CA10: variants seen among roughly 807,000 people sequenced by gnomAD.
CA10 encodes carbonic anhydrase 10 (inactive).
Under a neutral mutation model 44.2 loss-of-function variants are expected in CA10, and 14 were observed. The observed-to-expected ratio is 0.32, with a 90% CI of 0.21 to 0.50. The LOEUF (loss-of-function observed/expected upper bound fraction) is 0.50, where lower values mean the gene tolerates loss of function less well. Ranked by LOEUF, CA10 falls within the 20% of genes least tolerant of loss-of-function variation. The probability of loss-of-function intolerance (pLI) is 0.99; values close to 1 mark genes in which losing one functional copy is unlikely to be tolerated. For missense variants in CA10, 350 were observed against 409.7 expected, an observed-to-expected ratio of 0.85 and a Z score of 1.26; for synonymous variants, 159 against 141.6, an observed-to-expected ratio of 1.12 and a Z score of -0.87.
chr17:52,011,622 C>T (rs995921865), intron 2 of CA10, among the ~76,000 whole-genome samples: 2 of 151,864 alleles, frequency 1.3e-5, no homozygotes, highest in East Asian at 1.9e-4. Flanking sequence ...TATACCAATG[C>T]TCTGTAACAT....
intron 2 of CA10, among the ~76,000 whole-genome samples, chr17:52,004,501 G>A (rs1437564788): frequency 6.6e-6 from 1 of 151,898 alleles, no homozygotes; most frequent in African/African-American, 2.4e-5. Flanking sequence ...CTGTGGAAAA[G>A]ACACATGTAT....
intron 1 of CA10, among the ~76,000 whole-genome samples, chr17:52,074,031 T>C (rs1196353895): frequency 1.3e-5 from 2 of 152,152 alleles, no homozygotes; most frequent in South Asian, 2.1e-4. Context: ...AGGGTTCTGA[T>C]TCTTCCTCTG....
At chr17:51,633,345 G>C (rs756491452) in intron 8 of CA10, 131 bp downstream of exon 8, 1 of 873,156 alleles carries the variant, frequency 1.1e-6, no homozygotes, top group South Asian at 2.1e-5. Context: ...TGCAAATGGA[G>C]TGTGATGGCT....
intron 2 of CA10, among the ~76,000 whole-genome samples, chr17:51,994,821 T>G (rs203041): frequency 0.54 from 75,586 of 139,568 alleles, 19,432 homozygotes; most frequent in African/African-American, 0.6. Flanking sequence ...TTTAAATATT[T>G]TATGATATTA....
chr17:51,997,371 G>C (rs1000122332), intron 2 of CA10, among the ~76,000 whole-genome samples: 4 of 152,032 alleles, frequency 2.6e-5, no homozygotes, highest in African/African-American at 9.7e-5. Context: ...AGTATGTGTA[G>C]AATAAATATA....
chr17:51,920,588 T>C (rs1215195014), intron 3 of CA10, among the ~76,000 whole-genome samples: 1 of 152,174 alleles, frequency 6.6e-6, no homozygotes, highest in Non-Finnish European at 1.5e-5. Context: ...AGGTGTTTCC[T>C]TGGGAGATTT....
At chr17:52,157,264 C>T (rs945782940) in intron 1 of CA10, among the ~76,000 whole-genome samples, 1 of 152,132 alleles carries the variant, frequency 6.6e-6, no homozygotes, top group African/African-American at 2.4e-5. Flanking sequence ...CCTGCTGGTA[C>T]TCTCCAGTCC....
intron 1 of CA10, among the ~76,000 whole-genome samples, chr17:52,106,814 A>C (rs141242610): frequency 7.9e-5 from 12 of 152,340 alleles, no homozygotes; most frequent in African/African-American, 2.4e-4. Flanking sequence ...CCCACGGCTC[A>C]GATTGTATTA....
At chr17:51,974,891 A>C (rs1198324552) in intron 2 of CA10, among the ~76,000 whole-genome samples, 1 of 152,208 alleles carries the variant, frequency 6.6e-6, no homozygotes, top group African/African-American at 2.4e-5. Flanking sequence ...AAGACATTTC[A>C]GTAAAAAACT....
chr17:51,685,211 T>G (rs2143403658), intron 4 of CA10, among the ~76,000 whole-genome samples: 1 of 152,210 alleles, frequency 6.6e-6, no homozygotes. Context: ...TGTGAACGGT[T>G]TATTATTGAG....
chr17:52,050,936 C>A (rs1222954984), intron 2 of CA10, among the ~76,000 whole-genome samples: 2 of 151,550 alleles, frequency 1.3e-5, no homozygotes, highest in African/African-American at 4.9e-5. Flanking sequence ...CACCCAGACC[C>A]TGTTTAGTGC....
At chr17:51,867,076 C>T (rs143930913) in intron 3 of CA10, among the ~76,000 whole-genome samples, 98 of 151,324 alleles carry the variant, frequency 6.5e-4, no homozygotes, top group African/African-American at 2.2e-3. Flanking sequence ...CTCCCCTGTG[C>T]TATTAAAAAA....
At position 52,110,023 on chromosome 17, in the gene CA10, C is replaced by T. The variant is rs536411067; in HGVS notation, c.62-37630G>A. Among the ~76,000 whole-genome samples the T allele has an allele frequency of 1.7e-3, 255 of 152,306 alleles. 1 individual carries two copies. The highest frequency in any genetic ancestry group is 5.7e-3 in the African/African-American group (239 of 41,566). ...CTGTGCATGCTCATACCCTCCTAAT[C>T]TCATCCGCATGACTATTCTGCAAAC... On this transcript the variant is annotated intron_variant, in intron 1 of 8. Transcript: ENST00000451037.
At chr17:51,814,362 T>C (rs1907486516) in intron 3 of CA10, among the ~76,000 whole-genome samples, 1 of 152,152 alleles carries the variant, frequency 6.6e-6, no homozygotes, top group South Asian at 2.1e-4. Flanking sequence ...TGTGAAGAAA[T>C]TGAGGCCTAG....
chr17:51,841,816 G>T (rs1315531064), intron 3 of CA10, among the ~76,000 whole-genome samples: 1 of 152,202 alleles, frequency 6.6e-6, no homozygotes, highest in Non-Finnish European at 1.5e-5. Flanking sequence ...TCCAGGGAGG[G>T]TATATTAGGA....
At chr17:51,936,927 T>C (rs148157207) in intron 2 of CA10, among the ~76,000 whole-genome samples, 108 of 152,272 alleles carry the variant, frequency 7.1e-4, no homozygotes, top group African/African-American at 2.5e-3. Flanking sequence ...CAGAACTAAT[T>C]GAATGTTTTA....
chr17:52,060,400 A>G (rs983242473), intron 2 of CA10, among the ~76,000 whole-genome samples: 1 of 152,164 alleles, frequency 6.6e-6, no homozygotes, highest in South Asian at 2.1e-4. Context: ...AAACTCGGAT[A>G]TTAAAAAAAA....
At chr17:51,746,527 T>A (rs774313492) in intron 4 of CA10, among the ~76,000 whole-genome samples, 1 of 152,212 alleles carries the variant, frequency 6.6e-6, no homozygotes, top group Non-Finnish European at 1.5e-5. Flanking sequence ...CCTGACCCCT[T>A]CAAGCAAAAT....
Position 51,952,143 on chromosome 17 carries a change from T to C in CA10, c.137-21011A>G, listed in dbSNP as rs75623617. ...GAATAGGTAAGTGCAAAGTAAGATA[T>C]AATTTTCTTTCACTTGAATGGCGTT... On this transcript the variant is annotated intron_variant, in intron 2 of 8. Transcript: ENST00000451037. Among the ~76,000 whole-genome samples, 24 of 152,284 alleles carry C rather than the reference T, an allele frequency of 1.6e-4. No homozygotes were observed. The East Asian group carries it at 4.2e-3, about 27-fold the overall frequency.
Sources: allele counts gnomAD v4.1 joint callset (sites outside exome capture counted in the v4.1 genomes callset), GRCh38; gene constraint gnomAD v4.1.1; transcripts MANE v1.5; gene names NCBI Gene and HGNC (gene_info 2026-07-23, HGNC 2026-07-21).